The following EREG variants were observed in gnomAD, a reference collection of about 807,000 sequenced individuals.
EREG encodes the protein epiregulin, also known as proepiregulin.
EREG carries 23 observed loss-of-function variants against 22.4 expected under a neutral mutation model. The observed-to-expected ratio is 1.03, with a 90% confidence interval of 0.74 to 1.46. The LOEUF (loss-of-function observed/expected upper bound fraction) is 1.46. EREG is among the 40% of genes most tolerant of loss of function. The pLI is 0.00. For missense variants in EREG, 226 were observed against 205.9 expected, an observed-to-expected ratio of 1.10 and a Z score of -0.60; for synonymous variants, 100 against 75.4, an observed-to-expected ratio of 1.33 and a Z score of -1.69.
At chr4:74,366,854 A>G (rs1752194809) in intron 1 of EREG, among the ~76,000 whole-genome samples, 1 of 152,096 alleles carries the variant, frequency 6.6e-6, no homozygotes, top group South Asian at 2.1e-4. Flanking sequence ...CCATTTCCAA[A>G]TGAGTTAGGT....
chr4:74,386,565 A>C lies in EREG; in HGVS notation c.*1757A>C, dbSNP rs1752572261. On this transcript the variant is annotated 3_prime_UTR_variant, in exon 5 of 5. Transcript: ENST00000244869. ...TGGTGCTCTGCTAACCATTTATATA[A>C]AACTTAAAAACAAGAGAAAAGAAAA... is the stretch of plus-strand genomic sequence containing the variant. The C allele has an allele frequency of 6.6e-6, 1 of 152,224 alleles. No individual in the cohort carries two copies. Among genetic ancestry groups the C allele is most frequent in the Non-Finnish European group, 1.5e-5 (1 of 68,046 alleles). 9.4% of individuals were successfully genotyped at this position (152,224 alleles called of 1,614,324 possible).
intron 1 of EREG, among the ~76,000 whole-genome samples, chr4:74,365,750 T>C (rs1389172348): frequency 2.6e-5 from 4 of 151,936 alleles, no homozygotes; most frequent in African/African-American, 9.7e-5. Flanking sequence ...TTGTTCCTTT[T>C]TGTTGGAGAG....
At chr4:74,379,647 G>A in intron 2 of EREG, 113 bp downstream of exon 2, 1 of 600,204 alleles carries the variant, frequency 1.7e-6, no homozygotes, top group Non-Finnish European at 3.0e-6. Flanking sequence ...AAGAATAGCT[G>A]CTATATTACT....
chr4:74,371,068 T>A (rs72859333), intron 1 of EREG, among the ~76,000 whole-genome samples: 11,719 of 152,132 alleles, frequency 0.077, 804 homozygotes, highest in African/African-American at 0.18. Context: ...GTGACAACCA[T>A]CATAGTCTCC....
At chr4:74,369,487 C>T (rs892051023) in intron 1 of EREG, among the ~76,000 whole-genome samples, 1 of 152,068 alleles carries the variant, frequency 6.6e-6, no homozygotes, top group Non-Finnish European at 1.5e-5. Flanking sequence ...GCCTCCAGCT[C>T]CATCCAATTT....
In EREG at chr4:74,385,894, A is replaced by G. The variant is rs1031580493; in HGVS notation, c.*1086A>G. ...TGTAAAGTTATGTATTTAAAGTTGT[A>G]TCTTGACACAGGAAATGGGAAAAAA... On this transcript the variant is annotated 3_prime_UTR_variant, in exon 5 of 5. Transcript: ENST00000244869. 17 of 396,682 alleles carry G rather than the reference A, an allele frequency of 4.3e-5. No homozygotes were observed. The highest frequency in any genetic ancestry group is 2.5e-4 in the African/African-American group (12 of 48,576). The allele number at this position is 396,682 out of a possible 1,614,324, so 24.6% of individuals were successfully genotyped here. A position where few individuals can be genotyped will look rare whatever the true frequency, so the allele number is the denominator to read the frequency against.
chr4:74,365,161 C>T lies in EREG; in HGVS notation c.-148C>T, dbSNP rs1271115197. ...GTTGAGCTCACTTGCCTGATATTTCCAGTGTCAGAGGGACACAGCCAACGT... is the reference window on the plus strand; with the variant it reads ...GTTGAGCTCACTTGCCTGATATTTCTAGTGTCAGAGGGACACAGCCAACGT... On this transcript the variant is annotated 5_prime_UTR_variant, in exon 1 of 5. Coordinates refer to ENST00000244869, the MANE Select transcript of EREG (RefSeq NM_001432.3). 2 of 638,930 alleles carry T rather than the reference C, an allele frequency of 3.1e-6. No homozygotes were observed. Among genetic ancestry groups the T allele is most frequent in the Non-Finnish European group, 5.6e-6 (2 of 358,992 alleles). The allele number at this position is 638,930 out of a possible 1,614,324, so 39.6% of individuals were successfully genotyped here. A position where few individuals can be genotyped will look rare whatever the true frequency, so the allele number is the denominator to read the frequency against.
intron 4 of EREG, among the ~76,000 whole-genome samples, chr4:74,383,543 T>C (rs974701495): frequency 6.6e-6 from 1 of 152,254 alleles, no homozygotes; most frequent in East Asian, 1.9e-4. Flanking sequence ...ATTGAAAGTA[T>C]AGTTTGGCAT....
At chr4:74,374,698 C>T (rs768246300) in intron 1 of EREG, among the ~76,000 whole-genome samples, 7 of 152,164 alleles carry the variant, frequency 4.6e-5, no homozygotes, top group Non-Finnish European at 1.0e-4. Context: ...TATGATGGCA[C>T]TCAACCTCTC....
At chr4:74,382,859 C>A (rs1216549212) in intron 4 of EREG, 65 bp downstream of exon 4, 1 of 1,218,838 alleles carries the variant, frequency 8.2e-7, no homozygotes, top group Non-Finnish European at 1.2e-6. Context: ...GACCTATAAA[C>A]TGGGTAAAAA....
chr4:74,369,309 C>A (rs952064398), intron 1 of EREG, among the ~76,000 whole-genome samples: 3 of 152,022 alleles, frequency 2.0e-5, no homozygotes, highest in African/African-American at 7.2e-5. Context: ...ACCTTCCACC[C>A]TTCCCCTTCT....
intron 1 of EREG, among the ~76,000 whole-genome samples, chr4:74,377,609 G>A (rs182986915): frequency 1.3e-5 from 2 of 152,266 alleles, no homozygotes; most frequent in East Asian, 3.9e-4. Context: ...TATTATAAAG[G>A]ACTTCCCTGA....
At chr4:74,372,801 CTTTTTTTTTTTTTTT>C (rs60657787) in intron 1 of EREG, among the ~76,000 whole-genome samples, 4 of 71,906 alleles carry the variant, frequency 5.6e-5, no homozygotes, top group African/African-American at 1.2e-4. Context: ...TTAAATTGTA[CTTTTTTTTTTTTTTT>C]TTTTTTTTTT....
intron 1 of EREG, among the ~76,000 whole-genome samples, chr4:74,375,621 G>A (rs184463213): frequency 1.8e-4 from 27 of 152,032 alleles, no homozygotes; most frequent in East Asian, 3.9e-4. Context: ...GAGCCACCGC[G>A]CCCGGCCTGA....
intron 1 of EREG, among the ~76,000 whole-genome samples, chr4:74,367,110 G>A (rs964632339): frequency 2.0e-5 from 3 of 152,088 alleles, no homozygotes; most frequent in Non-Finnish European, 4.4e-5. Context: ...TTAAATTTTA[G>A]CATACATGTT....
At chr4:74,375,301 C>A (rs1318485194) in intron 1 of EREG, among the ~76,000 whole-genome samples, 3 of 138,754 alleles carry the variant, frequency 2.2e-5, no homozygotes, top group African/African-American at 5.4e-5. Flanking sequence ...TAATGACTAG[C>A]GATTCTTTTT....
In EREG at chr4:74,379,592, T is replaced by C. The variant is rs191813322; in HGVS notation, c.154+58T>C. On this transcript the variant is annotated intron_variant, in intron 2 of 4. Transcript: ENST00000244869. ...GACTACATATTTTTAAACAGAAATA[T>C]AAACTCAAAGACTATAAGTATGTGA... The C allele has an allele frequency of 4.4e-5, 45 of 1,019,222 alleles. 1 individual carries two copies. In the East Asian group the frequency reaches 9.3e-4, roughly 21 times the overall value. The allele number at this position is 1,019,222 out of a possible 1,614,324, so 63.1% of individuals were successfully genotyped here. A position where few individuals can be genotyped will look rare whatever the true frequency, so the allele number is the denominator to read the frequency against.
At chr4:74,368,406 G>A (rs1752226736) in intron 1 of EREG, among the ~76,000 whole-genome samples, 1 of 152,142 alleles carries the variant, frequency 6.6e-6, no homozygotes, top group Non-Finnish European at 1.5e-5. Flanking sequence ...TTTACATTAA[G>A]TAAAGCAATA....
chr4:74,378,189 A>T (rs1404465379), intron 1 of EREG, among the ~76,000 whole-genome samples: 1 of 152,148 alleles, frequency 6.6e-6, no homozygotes, highest in Non-Finnish European at 1.5e-5. Context: ...ATTCCTTCTC[A>T]TATTAGATAG....
Sources: gnomAD v4.1 joint callset for allele counts (sites outside exome capture counted in the v4.1 genomes callset) on GRCh38, gnomAD v4.1.1 for gene constraint, MANE v1.5 for transcripts, NCBI Gene and HGNC (gene_info 2026-07-23, HGNC 2026-07-21) for gene names.